UNC5D: variants seen among roughly 807,000 people sequenced by gnomAD.
UNC5D encodes the protein netrin receptor UNC5D.
Under a neutral mutation model 105.4 loss-of-function variants are expected in UNC5D, and 39 were observed. The ratio of observed to expected loss-of-function variants is 0.37; its 90% CI spans 0.29 to 0.48. The LOEUF (loss-of-function observed/expected upper bound fraction) is 0.48. UNC5D is among the 20% of genes least tolerant of loss of function. The probability of loss-of-function intolerance (pLI) is 0.98; values close to 1 mark genes in which losing one functional copy is unlikely to be tolerated. For synonymous variants in UNC5D, 452 were observed against 450.4 expected (o/e 1.00, Z -0.04); for missense variants, 991 against 1,202.4 (o/e 0.82, Z 2.60).
chr8:35,432,555 C>T (rs1247640231), intron 1 of UNC5D, among the ~76,000 whole-genome samples: 1 of 152,140 alleles, frequency 6.6e-6, no homozygotes, highest in East Asian at 1.9e-4. Context: ...TTAACTCCAA[C>T]TAGAATCACT....
chr8:35,680,890 T>C (rs1825614987), intron 4 of UNC5D, among the ~76,000 whole-genome samples: 1 of 152,144 alleles, frequency 6.6e-6, no homozygotes, highest in Non-Finnish European at 1.5e-5. Flanking sequence ...ATAGGAGAAG[T>C]GCTTGCTAGA....
Position 35,790,753 on chromosome 8 carries a change from T to C in UNC5D, c.*190T>C. On this transcript the variant is annotated 3_prime_UTR_variant, in exon 17 of 17. Transcript: ENST00000404895. ...TTAATAGGGAAGAGTACAAGCTCTCTTACATATAAGAGGGCTCTACTATCT... is the reference window on the plus strand; with the variant it reads ...TTAATAGGGAAGAGTACAAGCTCTCCTACATATAAGAGGGCTCTACTATCT... The C allele has an allele frequency of 1.6e-6, 1 of 629,116 alleles. No individual in the cohort carries two copies. The highest frequency in any genetic ancestry group is 2.0e-5 in the South Asian group (1 of 50,346). 39.0% of individuals were successfully genotyped at this position (629,116 alleles called of 1,614,324 possible). A position where few individuals can be genotyped will look rare whatever the true frequency, so the allele number is the denominator to read the frequency against.
At chr8:35,410,039 A>T (rs749801806) in intron 1 of UNC5D, among the ~76,000 whole-genome samples, 2 of 151,182 alleles carry the variant, frequency 1.3e-5, no homozygotes, top group Non-Finnish European at 2.9e-5. Context: ...GGGAGAATTG[A>T]CACTTGAACA....
intron 1 of UNC5D, among the ~76,000 whole-genome samples, chr8:35,495,887 C>A (rs977905616): frequency 3.9e-5 from 6 of 152,102 alleles, no homozygotes; most frequent in Admixed American, 3.9e-4. Flanking sequence ...TATTTAAGGT[C>A]AAGTACCAGT....
In UNC5D at chr8:35,726,370, A is replaced by G. The variant is rs746018559; in HGVS notation, c.1522A>G (p.Arg508Gly). 5.0e-6 allele frequency: 8 copies of G among 1,614,036 alleles called. No individual in the cohort carries two copies. In the African/African-American group the frequency reaches 8.0e-5, roughly 16 times the overall value. ...TGAGTACCACGGCAAGAATCATTCCAGGACTTTTCCCCATGGAAACAACCA... is the reference window on the plus strand; with the variant it reads ...TGAGTACCACGGCAAGAATCATTCCGGGACTTTTCCCCATGGAAACAACCA... ...RAEYHGKNHSRTFPHGNNHSF... is the reference protein window; with the variant it reads ...RAEYHGKNHSGTFPHGNNHSF... The change falls in exon 10 of 17, where the codon AGG becomes GGG. Residue 508 changes from arginine (R) to glycine (G), a missense_variant. Arg to Gly is a moderately radical substitution (Grantham distance 125). Transcript: ENST00000404895.
At chr8:35,247,353 A>G (rs1396320622) in intron 1 of UNC5D, among the ~76,000 whole-genome samples, 1 of 149,542 alleles carries the variant, frequency 6.7e-6, no homozygotes, top group Non-Finnish European at 1.5e-5. Context: ...CAGAAATAAT[A>G]TTGTAAAAAA....
At chr8:35,624,569 G>A (rs1821585384) in intron 4 of UNC5D, among the ~76,000 whole-genome samples, 1 of 152,178 alleles carries the variant, frequency 6.6e-6, no homozygotes, top group African/African-American at 2.4e-5. Flanking sequence ...TCTCAGACAA[G>A]TTCTGCCTTA....
chr8:35,335,776 T>TTG (rs1810981583), intron 1 of UNC5D, among the ~76,000 whole-genome samples: 3 of 141,898 alleles, frequency 2.1e-5, no homozygotes, highest in Non-Finnish European at 4.6e-5. Flanking sequence ...TTTTTTTTTT[T>TTG]TTTTTGAGAC....
intron 1 of UNC5D, among the ~76,000 whole-genome samples, chr8:35,335,064 C>T (rs1585610736): frequency 6.6e-6 from 1 of 152,026 alleles, no homozygotes; most frequent in Non-Finnish European, 1.5e-5. Context: ...TTCTTTTTGT[C>T]AAAATTTTTT....
At position 35,728,071 on chromosome 8, in the gene UNC5D, T is replaced by TAAA. The variant is rs71215643; in HGVS notation, c.1681+1565_1681+1567dup. ...GGGCAACATAGCAAGTTGCTGTCTC[T>TAAA]AAAAAAAAAAAAAAAAAAAAAAAAA... On this transcript the variant is annotated intron_variant, in intron 10 of 16. Transcript: ENST00000404895. Among the ~76,000 whole-genome samples the TAAA allele has an allele frequency of 3.8e-3, 157 of 40,850 alleles. 2 individuals are homozygous for TAAA. The highest frequency in any genetic ancestry group is 0.011 in the African/African-American group (99 of 8,908). 26.8% of individuals were successfully genotyped at this position (40,850 alleles called of 152,430 possible). A position where few individuals can be genotyped will look rare whatever the true frequency, so the allele number is the denominator to read the frequency against.
At chr8:35,414,193 C>T (rs1805388400) in intron 1 of UNC5D, among the ~76,000 whole-genome samples, 1 of 152,024 alleles carries the variant, frequency 6.6e-6, no homozygotes, top group South Asian at 2.1e-4. Flanking sequence ...CTAAAATAGA[C>T]CCAAGAGCAT....
intron 1 of UNC5D, among the ~76,000 whole-genome samples, chr8:35,259,809 G>T (rs1174618348): frequency 6.6e-6 from 1 of 151,386 alleles, no homozygotes; most frequent in Non-Finnish European, 1.5e-5. Context: ...GCGGGCCAGT[G>T]TATGTGGACG....
At chr8:35,350,090 C>T (rs1812102771) in intron 1 of UNC5D, among the ~76,000 whole-genome samples, 1 of 151,498 alleles carries the variant, frequency 6.6e-6, no homozygotes. Flanking sequence ...CTGGATCTCC[C>T]GAAAGAGTCT....
In UNC5D at chr8:35,642,046, T is replaced by C. The variant is rs931200911; in HGVS notation, c.571-41501T>C. On this transcript the variant is annotated intron_variant, in intron 4 of 16. Coordinates refer to ENST00000404895, the MANE Select transcript of UNC5D (RefSeq NM_080872.4). ...ATTGCCATTAGTCAGTTGATACTTA[T>C]AGTGTGAGACTTGGAACCTCCCCCT... is the stretch of plus-strand genomic sequence containing the variant. Among the ~76,000 whole-genome samples the C allele has an allele frequency of 5.3e-5, 8 of 152,142 alleles. No individual in the cohort carries two copies. In the South Asian group the frequency reaches 8.3e-4, roughly 16 times the overall value.
At chr8:35,570,830 T>G (rs1000771785) in intron 3 of UNC5D, among the ~76,000 whole-genome samples, 1 of 151,660 alleles carries the variant, frequency 6.6e-6, no homozygotes, top group Admixed American at 6.6e-5. Context: ...TGGTGGCATA[T>G]GCCTATAATC....
chr8:35,715,743 A>G (rs1450109673), intron 8 of UNC5D, among the ~76,000 whole-genome samples: 2 of 152,292 alleles, frequency 1.3e-5, no homozygotes, highest in Admixed American at 6.5e-5. Flanking sequence ...CAAGACCAAA[A>G]GAGAATAATG....
intron 1 of UNC5D, among the ~76,000 whole-genome samples, chr8:35,468,445 G>A (rs1174035171): frequency 6.6e-6 from 1 of 152,124 alleles, no homozygotes; most frequent in Non-Finnish European, 1.5e-5. Flanking sequence ...TGTCAAATGT[G>A]GACATTCAGT....
intron 1 of UNC5D, among the ~76,000 whole-genome samples, chr8:35,248,697 A>AAAAATATATAATATATATAAAATATAT (rs1478870317): frequency 1.8e-4 from 18 of 100,352 alleles, no homozygotes; most frequent in African/African-American, 7.9e-4. Context: ...TAAAATATAT[A>AAAAATATATAATATATATAAAATATAT]AAAATATATA....
intron 1 of UNC5D, among the ~76,000 whole-genome samples, chr8:35,242,453 T>A (rs908812022): frequency 6.6e-6 from 1 of 152,098 alleles, no homozygotes; most frequent in Admixed American, 6.5e-5. Context: ...TTCACAGGTG[T>A]TGGCAGCTTA....
Sources: allele counts gnomAD v4.1 joint callset (sites outside exome capture counted in the v4.1 genomes callset), GRCh38; gene constraint gnomAD v4.1.1; transcripts MANE v1.5; gene names NCBI Gene and HGNC (gene_info 2026-07-23, HGNC 2026-07-21).